BMAL1: variants seen among roughly 807,000 people sequenced by gnomAD.
BMAL1 encodes the protein basic helix-loop-helix ARNT like 1, also known as basic helix-loop-helix ARNT-like protein 1.
the BMAL1 span, chr11:13,378,231 T>G: frequency 7.1e-7 from 1 of 1,400,682 alleles, no homozygotes; most frequent in Non-Finnish European, 9.4e-7. Flanking sequence ...ACAACTCTGA[T>G]GTTGAACTGC....
At chr11:13,359,528 A>G in the BMAL1 span, among the ~76,000 whole-genome samples, 1 of 152,214 alleles carries the variant, frequency 6.6e-6, no homozygotes, top group African/African-American at 2.4e-5. Context: ...AAATTGGAAA[A>G]AAGTGGCAAA....
the BMAL1 span, among the ~76,000 whole-genome samples, chr11:13,324,285 T>C: frequency 6.6e-6 from 1 of 152,226 alleles, no homozygotes; most frequent in Non-Finnish European, 1.5e-5. Context: ...GAATGGAATC[T>C]AAACATCTCG....
the BMAL1 span, among the ~76,000 whole-genome samples, chr11:13,362,311 ATT>A: frequency 6.6e-6 from 1 of 152,086 alleles, no homozygotes; most frequent in Non-Finnish European, 1.5e-5. Flanking sequence ...AATATGAATT[ATT>A]GTTAGGTCAG....
chr11:13,371,217 G>A, the BMAL1 span, among the ~76,000 whole-genome samples: 1 of 152,166 alleles, frequency 6.6e-6, no homozygotes, highest in Non-Finnish European at 1.5e-5. Flanking sequence ...AAGTCTATAG[G>A]TGCTCCACAT....
the BMAL1 span, chr11:13,386,750 G>T: frequency 1.2e-6 from 2 of 1,613,662 alleles, no homozygotes; most frequent in East Asian, 2.2e-5. Flanking sequence ...TGCCATGGCC[G>T]CTGTAAACAC....
the BMAL1 span, among the ~76,000 whole-genome samples, chr11:13,344,321 C>T: frequency 3.1e-3 from 471 of 152,340 alleles, 5 homozygotes; most frequent in African/African-American, 0.011. Context: ...TTGACTGCCA[C>T]CTGCTGGAGA....
At chr11:13,287,043 A>G in the BMAL1 span, among the ~76,000 whole-genome samples, 1 of 152,196 alleles carries the variant, frequency 6.6e-6, no homozygotes, top group Non-Finnish European at 1.5e-5. Flanking sequence ...AAAGGAACCT[A>G]AGGTTTTGCA....
the BMAL1 span, among the ~76,000 whole-genome samples, chr11:13,284,136 ATATATATGTGTATATATATATATGTGTG>A: frequency 1.5e-5 from 1 of 68,304 alleles, no homozygotes; most frequent in African/African-American, 5.2e-5. Flanking sequence ...GTGTATATAT[ATATATATGTGTATATATATATATGTGTG>A]TATATATATA....
the BMAL1 span, among the ~76,000 whole-genome samples, chr11:13,306,400 A>G: frequency 2.0e-5 from 3 of 152,340 alleles, no homozygotes. Flanking sequence ...GAGGAAGTGC[A>G]AGGAGACCAG....
the BMAL1 span, among the ~76,000 whole-genome samples, chr11:13,342,419 C>G: frequency 6.6e-6 from 1 of 152,144 alleles, no homozygotes; most frequent in East Asian, 1.9e-4. Flanking sequence ...GACTTTTAAT[C>G]CTGAATGGCC....
the BMAL1 span, among the ~76,000 whole-genome samples, chr11:13,296,580 A>T: frequency 1.3e-5 from 2 of 152,222 alleles, no homozygotes; most frequent in Non-Finnish European, 2.9e-5. Context: ...GTATCTACAT[A>T]CACGCATGTG....
the BMAL1 span, among the ~76,000 whole-genome samples, chr11:13,362,544 C>T: frequency 6.6e-6 from 1 of 152,140 alleles, no homozygotes; most frequent in African/African-American, 2.4e-5. Flanking sequence ...AGATGCATGG[C>T]ATTGTTCTAG....
the BMAL1 span, among the ~76,000 whole-genome samples, chr11:13,290,559 A>ATGTTGTTATTAT: frequency 3.4e-4 from 51 of 149,064 alleles, no homozygotes; most frequent in African/African-American, 1.2e-3. Context: ...ACAAGTGTAT[A>ATGTTGTTATTAT]TATTATTATT....
At chr11:13,305,439 G>C in the BMAL1 span, among the ~76,000 whole-genome samples, 1 of 151,974 alleles carries the variant, frequency 6.6e-6, no homozygotes, top group African/African-American at 2.4e-5. Context: ...TGATTTTTTT[G>C]TTTTTATGTT....
chr11:13,344,601 C>A, the BMAL1 span, among the ~76,000 whole-genome samples: 1 of 152,208 alleles, frequency 6.6e-6, no homozygotes, highest in South Asian at 2.1e-4. Context: ...CACCTGTTAC[C>A]TTAGGTTCAG....
chr11:13,304,082 C>T, the BMAL1 span, among the ~76,000 whole-genome samples: 2 of 152,008 alleles, frequency 1.3e-5, no homozygotes, highest in Non-Finnish European at 2.9e-5. Flanking sequence ...GATTTGGTTG[C>T]CTTGGGAATG....
the BMAL1 span, among the ~76,000 whole-genome samples, chr11:13,305,496 T>A: frequency 6.6e-6 from 1 of 152,242 alleles, no homozygotes; most frequent in Non-Finnish European, 1.5e-5. Flanking sequence ...TAGAAATTTT[T>A]TTTTGTTTAT....
chr11:13,367,764 G>A, the BMAL1 span, among the ~76,000 whole-genome samples: 5 of 150,212 alleles, frequency 3.3e-5, no homozygotes, highest in South Asian at 4.2e-4. Flanking sequence ...GGCTCATTCC[G>A]GCTCCACCAT....
At chr11:13,337,898 A>G in the BMAL1 span, among the ~76,000 whole-genome samples, 1 of 152,136 alleles carries the variant, frequency 6.6e-6, no homozygotes, top group Non-Finnish European at 1.5e-5. Context: ...TGGCTTTCCT[A>G]CTTGTGAGCT....
Sources: gnomAD v4.1 joint callset for allele counts (sites outside exome capture counted in the v4.1 genomes callset) on GRCh38, gnomAD v4.1.1 for gene constraint, MANE v1.5 for transcripts, NCBI Gene and HGNC (gene_info 2026-07-23, HGNC 2026-07-21) for gene names.